The following ACSF3 variants were observed in gnomAD, a reference collection of about 807,000 sequenced individuals.
ACSF3 encodes the protein malonate--CoA ligase ACSF3, mitochondrial.
ACSF3 carries 78 observed loss-of-function variants against 53.2 expected under a neutral mutation model. The ratio of observed to expected loss-of-function variants is 1.47; its 90% CI spans 1.22 to 1.77. ACSF3 has a LOEUF of 1.77. ACSF3 is among the 40% of genes most tolerant of loss of function. The pLI is 0.00. For synonymous variants in ACSF3, 414 were observed against 333.1 expected, an observed-to-expected ratio of 1.24 and a Z score of -2.65; for missense variants, 937 against 771.1, an observed-to-expected ratio of 1.22 and a Z score of -2.55.
At position 89,100,997 on chromosome 16, in the gene ACSF3, G is replaced by A. The variant is rs781244439; in HGVS notation, c.316G>A (p.Ala106Thr). ...ERVSFLCAND[A>T]SYVVAQWASW... ...GGTCTCCTTCCTATGCGCTAACGAT[G>A]CCTCCTACGTCGTGGCCCAGTGGGC... Residue 106 changes from alanine (A) to threonine (T), a missense_variant, in exon 3 of 11, where the codon GCC becomes ACC. Coordinates refer to ENST00000614302, the MANE Select transcript of ACSF3 (RefSeq NM_001243279.3). 1.1e-5 allele frequency: 17 copies of A among 1,613,402 alleles called. No individual in the cohort carries two copies. The highest frequency in any genetic ancestry group is 2.2e-5 in the East Asian group (1 of 44,874).
At chr16:89,117,014 G>A (rs1280471277) in intron 6 of ACSF3, among the ~76,000 whole-genome samples, 2 of 152,172 alleles carry the variant, frequency 1.3e-5, no homozygotes, top group East Asian at 1.9e-4. Context: ...TTTGTCCAGT[G>A]CCACCGGCCA....
intron 8 of ACSF3, among the ~76,000 whole-genome samples, chr16:89,144,102 C>T (rs901542548): frequency 4.6e-5 from 7 of 152,242 alleles, no homozygotes; most frequent in East Asian, 1.9e-4. Flanking sequence ...GCTGCACACA[C>T]GCTCGCAGGC....
intron 1 of ACSF3, among the ~76,000 whole-genome samples, chr16:89,098,105 G>A (rs2151392765): frequency 6.6e-6 from 1 of 152,160 alleles, no homozygotes; most frequent in East Asian, 1.9e-4. Context: ...CAGGCTAGTG[G>A]GGAAACCAGA....
chr16:89,117,287 G>C (rs1597968060), intron 6 of ACSF3, among the ~76,000 whole-genome samples: 1 of 152,318 alleles, frequency 6.6e-6, no homozygotes, highest in East Asian at 1.9e-4. Flanking sequence ...GTCATATTTT[G>C]CACTCACATA....
intron 8 of ACSF3, among the ~76,000 whole-genome samples, chr16:89,136,100 A>T (rs1910404640): frequency 6.6e-6 from 1 of 152,224 alleles, no homozygotes; most frequent in African/African-American, 2.4e-5. Context: ...AAATTCAGGT[A>T]AAAGCTGAAG....
At chr16:89,148,131 G>T (rs1212388961) in intron 10 of ACSF3, 3 of 145,334 alleles carry the variant, frequency 2.1e-5, no homozygotes, top group African/African-American at 5.1e-5. Flanking sequence ...TTGAGACGGG[G>T]TCTTGCTCTG....
intron 7 of ACSF3, among the ~76,000 whole-genome samples, chr16:89,131,990 G>C (rs1567725664): frequency 2.0e-5 from 3 of 150,982 alleles, no homozygotes; most frequent in Non-Finnish European, 4.4e-5. Context: ...GTCATCATGT[G>C]GGGCAGGTGT....
At chr16:89,095,523 A>T (rs1041341949) in intron 1 of ACSF3, among the ~76,000 whole-genome samples, 1 of 144,796 alleles carries the variant, frequency 6.9e-6, no homozygotes, top group Admixed American at 7.3e-5. Flanking sequence ...GGCCGAGCAC[A>T]GCCCTCCTCT....
At chr16:89,110,403 T>C (rs1976547445) in intron 4 of ACSF3, among the ~76,000 whole-genome samples, 1 of 152,206 alleles carries the variant, frequency 6.6e-6, no homozygotes, top group Admixed American at 6.5e-5. Flanking sequence ...TGAGAAAGAT[T>C]ATCCTTTTGT....
chr16:89,101,388 C>T (rs777463948), intron 3 of ACSF3, 41 bp downstream of exon 3: 4 of 1,551,302 alleles, frequency 2.6e-6, no homozygotes, highest in East Asian at 2.4e-5. Context: ...GGTGACCGCA[C>T]AGCACTCCGG....
At chr16:89,132,253 G>A (rs577132634) in intron 7 of ACSF3, among the ~76,000 whole-genome samples, 8 of 152,316 alleles carry the variant, frequency 5.3e-5, no homozygotes, top group East Asian at 3.9e-4. Context: ...CTTGACCTCC[G>A]GGGTCACAGC....
chr16:89,135,072 T>G lies in ACSF3; in HGVS notation c.1366+1810T>G, dbSNP rs1385054841. Among the ~76,000 whole-genome samples, 8 of 100,764 alleles carry G rather than the reference T, an allele frequency of 7.9e-5. No homozygotes were observed. In the East Asian group the frequency reaches 0.014, roughly 179 times the overall value. 66.1% of individuals were successfully genotyped at this position (100,764 alleles called of 152,430 possible). On this transcript the variant is annotated intron_variant, in intron 8 of 10. Transcript: ENST00000614302. ...ATTGCGGTGGTTTTTCTTTTCCTGGTTTTTTTTTTTTTTTTTTTGGCCTGT... is the reference window on the plus strand; with the variant it reads ...ATTGCGGTGGTTTTTCTTTTCCTGGGTTTTTTTTTTTTTTTTTTGGCCTGT...
At chr16:89,105,714 C>A (rs7405366) in intron 4 of ACSF3, among the ~76,000 whole-genome samples, 106,885 of 152,062 alleles carry the variant, frequency 0.7, 38,176 homozygotes, top group Admixed American at 0.77. Context: ...ACCATGGTCA[C>A]TTGGGCAGAG....
chr16:89,094,725 C>A (rs528806963), intron 1 of ACSF3, among the ~76,000 whole-genome samples: 3 of 152,150 alleles, frequency 2.0e-5, no homozygotes, highest in Non-Finnish European at 4.4e-5. Flanking sequence ...AGACCCCTAT[C>A]TCTACAAAAA....
rs530401061 is a variant in ACSF3, at chr16:89,155,470, A to T, written c.*1263A>T. On this transcript the variant is annotated 3_prime_UTR_variant, in exon 11 of 11. Transcript: ENST00000614302. ...TCGCCCACCAAGCTTGTCTGAGGCC[A>T]CAGAGCAGCGTCCCAGCCCTGTTTT... The T allele has an allele frequency of 2.2e-6, 1 of 454,134 alleles. No homozygotes were observed. Among genetic ancestry groups the T allele is most frequent in the South Asian group, 1.6e-5 (1 of 64,480 alleles). 28.1% of individuals were successfully genotyped at this position (454,134 alleles called of 1,614,324 possible).
intron 10 of ACSF3, chr16:89,151,265 G>A (rs1360555772): frequency 8.9e-6 from 4 of 448,306 alleles, no homozygotes; most frequent in Middle Eastern, 3.3e-4. Flanking sequence ...ATTTAAAACT[G>A]CAAAGCAAAT....
Position 89,155,202 on chromosome 16 carries a change from G to C in ACSF3, c.*995G>C. ...TGGACAATTTTCAGAAGAATAGGCT[G>C]CCTCCTCCCCACAGCCTGGGGGAAG... On this transcript the variant is annotated 3_prime_UTR_variant, in exon 11 of 11. Transcript: ENST00000614302. The C allele has an allele frequency of 2.2e-6, 1 of 454,178 alleles. No individual in the cohort carries two copies. Among genetic ancestry groups the C allele is most frequent in the South Asian group, 1.6e-5 (1 of 64,480 alleles). The allele number at this position is 454,178 out of a possible 1,614,324, so 28.1% of individuals were successfully genotyped here. A position where few individuals can be genotyped will look rare whatever the true frequency, so the allele number is the denominator to read the frequency against.
chr16:89,111,456 A>G (rs559080544), intron 4 of ACSF3, among the ~76,000 whole-genome samples: 47 of 152,330 alleles, frequency 3.1e-4, no homozygotes, highest in African/African-American at 1.1e-3. Flanking sequence ...TGCTGACCCC[A>G]CAGCACGAAG....
At chr16:89,143,972 G>A (rs955913785) in intron 8 of ACSF3, among the ~76,000 whole-genome samples, 1 of 152,218 alleles carries the variant, frequency 6.6e-6, no homozygotes, top group Non-Finnish European at 1.5e-5. Context: ...GGAGTGCAGG[G>A]TATGTGGAAG....
Sources: allele counts gnomAD v4.1 joint callset (sites outside exome capture counted in the v4.1 genomes callset), GRCh38; gene constraint gnomAD v4.1.1; transcripts MANE v1.5; gene names NCBI Gene and HGNC (gene_info 2026-07-23, HGNC 2026-07-21).